Variants in IL31RA observed in about 807,000 individuals in gnomAD.
The protein encoded by IL31RA is interleukin-31 receptor subunit alpha.
Under a neutral mutation model 83.7 loss-of-function variants are expected in IL31RA, and 66 were observed. That is an observed-to-expected ratio of 0.79 (90% CI 0.65 to 0.97). The LOEUF (loss-of-function observed/expected upper bound fraction) is 0.97. IL31RA is among the 50% of genes least tolerant of loss of function. The pLI is 0.00. For missense variants in IL31RA, 798 were observed against 919.4 expected (o/e 0.87, Z 1.71); for synonymous variants, 325 against 329.0 (o/e 0.99, Z 0.13).
intron 2 of IL31RA, among the ~76,000 whole-genome samples, chr5:55,865,521 A>T (rs1289814555): frequency 6.6e-6 from 1 of 152,090 alleles, no homozygotes; most frequent in Non-Finnish European, 1.5e-5. Context: ...CACATTTACA[A>T]CCCTTTTAAA....
chr5:55,845,599 T>C, the IL31RA span, among the ~76,000 whole-genome samples: 7 of 152,170 alleles, frequency 4.6e-5, no homozygotes, highest in Admixed American at 3.9e-4. Context: ...ACATGGGATC[T>C]CACGGTTTTT....
intron 13 of IL31RA, among the ~76,000 whole-genome samples, chr5:55,914,015 T>C (rs1056479552): frequency 2.6e-5 from 4 of 152,328 alleles, no homozygotes; most frequent in African/African-American, 9.6e-5. Flanking sequence ...GGTGCAAGCT[T>C]ATTGCTTGCT....
At chr5:55,855,089 G>C (rs1745276687) in intron 1 of IL31RA, among the ~76,000 whole-genome samples, 1 of 152,054 alleles carries the variant, frequency 6.6e-6, no homozygotes, top group Non-Finnish European at 1.5e-5. Flanking sequence ...TGAGTCTGCA[G>C]GTGCTTGAAC....
chr5:55,853,431 C>T (rs924371491), intron 1 of IL31RA: 94 of 1,512,926 alleles, frequency 6.2e-5, no homozygotes, highest in Non-Finnish European at 8.1e-5. Flanking sequence ...TGGAAACACT[C>T]CCACATCTTA....
chr5:55,914,894 G>C lies in IL31RA; in HGVS notation c.1784G>C (p.Ser595Thr). The C allele has an allele frequency of 6.2e-7, 1 of 1,613,750 alleles. No individual in the cohort carries two copies. Among genetic ancestry groups the C allele is most frequent in the Non-Finnish European group, 8.5e-7 (1 of 1,179,600 alleles). ...CCCACCGTTCCCAACCCTGCTGAAAGTAGTATAGCCACATGGCATGGAGAT... is the reference window on the plus strand; with the variant it reads ...CCCACCGTTCCCAACCCTGCTGAAACTAGTATAGCCACATGGCATGGAGAT... ...CWPTVPNPAESSIATWHGDDF... is the reference protein window; with the variant it reads ...CWPTVPNPAETSIATWHGDDF... Residue 595 changes from serine to threonine, a missense_variant, in exon 14 of 15, where the codon AGT becomes ACT. Transcript: ENST00000652347.
At position 55,890,145 on chromosome 5, in the gene IL31RA, T is replaced by C. The variant is rs1226134454; in HGVS notation, c.772+10T>C. The stretch of plus-strand genomic sequence containing the variant: ...ATGACTGAGGAAGAAGGCAAGCTAC[T>C]CCCTGCGATTCCCGTCCTGTCTGCT... On this transcript the variant is annotated intron_variant, in intron 6 of 14. Transcript: ENST00000652347. 4 of 1,612,972 alleles carry C rather than the reference T, an allele frequency of 2.5e-6. No individual in the cohort carries two copies. Among genetic ancestry groups the C allele is most frequent in the Non-Finnish European group, 3.4e-6 (4 of 1,179,468 alleles).
intron 5 of IL31RA, among the ~76,000 whole-genome samples, chr5:55,886,268 C>CTTGCTCTTTTTT (rs1235138364): frequency 4.2e-5 from 3 of 71,510 alleles, no homozygotes; most frequent in African/African-American, 2.2e-4. Context: ...TGCTTGCTTG[C>CTTGCTCTTTTTT]TTTTTTTTTT....
chr5:55,879,450 T>TTTTTTTTTTTTA, intron 4 of IL31RA, among the ~76,000 whole-genome samples: 1 of 141,386 alleles, frequency 7.1e-6, no homozygotes, highest in Non-Finnish European at 1.5e-5. Flanking sequence ...TTTTTTTTTT[T>TTTTTTTTTTTTA]GAGATGGAGT....
At chr5:55,888,863 C>T (rs986453590) in intron 5 of IL31RA, among the ~76,000 whole-genome samples, 16 of 152,182 alleles carry the variant, frequency 1.1e-4, no homozygotes, top group African/African-American at 3.4e-4. Context: ...AGTCCATCTG[C>T]GGCTGTCAGC....
chr5:55,896,583 C>G (rs1440606032), intron 7 of IL31RA, among the ~76,000 whole-genome samples, 154 bp downstream of exon 7: 2 of 61,192 alleles, frequency 3.3e-5, no homozygotes, highest in Admixed American at 1.5e-4. Context: ...CCCTTCCCCC[C>G]ACCTTCCCCC....
intron 2 of IL31RA, among the ~76,000 whole-genome samples, chr5:55,867,036 A>G (rs1013220440): frequency 6.6e-6 from 1 of 152,194 alleles, no homozygotes; most frequent in African/African-American, 2.4e-5. Flanking sequence ...AGAGCTGAAC[A>G]TGGCCCTTAG....
At chr5:55,859,676 C>A in intron 2 of IL31RA, 77 bp downstream of exon 2, 1 of 1,005,830 alleles carries the variant, frequency 9.9e-7, no homozygotes, top group Non-Finnish European at 1.6e-6. Context: ...AACTTTAAAG[C>A]GACACCTGGA....
chr5:55,905,567 G>A (rs1749098631), intron 8 of IL31RA, among the ~76,000 whole-genome samples: 1 of 152,166 alleles, frequency 6.6e-6, no homozygotes. Flanking sequence ...TCCATACTAG[G>A]TAATTTGGAT....
intron 1 of IL31RA, among the ~76,000 whole-genome samples, chr5:55,854,346 G>C (rs948628209): frequency 6.6e-6 from 1 of 152,170 alleles, no homozygotes; most frequent in Non-Finnish European, 1.5e-5. Context: ...AAGTAAGGAT[G>C]TCATTATTTT....
chr5:55,910,482 T>G, intron 11 of IL31RA, 50 bp from the exon 12 acceptor site: 4 of 1,611,976 alleles, frequency 2.5e-6, no homozygotes, highest in Non-Finnish European at 3.4e-6. Flanking sequence ...TGGGACACAA[T>G]TTTCAGTCTG....
intron 4 of IL31RA, among the ~76,000 whole-genome samples, chr5:55,879,445 T>TTTTTTTTTTTTTTTTTTTTTTTTTTTA (rs1747065415): frequency 7.5e-6 from 1 of 133,230 alleles, no homozygotes; most frequent in East Asian, 2.2e-4. Flanking sequence ...TTTTTTTTTT[T>TTTTTTTTTTTTTTTTTTTTTTTTTTTA]TTTTTGAGAT....
At chr5:55,862,649 C>T (rs762093012) in intron 2 of IL31RA, among the ~76,000 whole-genome samples, 2 of 152,154 alleles carry the variant, frequency 1.3e-5, no homozygotes, top group African/African-American at 2.4e-5. Context: ...ACTCGTGATC[C>T]GCCCATCTTG....
chr5:55,916,731 G>A lies in IL31RA; in HGVS notation c.1906G>A (p.Val636Met). Residue 636 changes from valine to methionine, a missense_variant, in exon 15 of 15, where the codon GTG becomes ATG. By Grantham distance (21) the Val-to-Met change is conservative. Coordinates refer to ENST00000652347, the MANE Select transcript of IL31RA (RefSeq NM_139017.7). ...KPCSTPSDKL[V>M]IDKLVVNFGN... Reference sequence around the variant, plus strand: ...ATGTTCCACCCCCAGTGACAAGTTGGTGATTGACAAGTTGGTGGTGAACTT... The same window carrying A: ...ATGTTCCACCCCCAGTGACAAGTTGATGATTGACAAGTTGGTGGTGAACTT... 1 of 1,614,188 alleles carries A rather than the reference G, an allele frequency of 6.2e-7. No homozygotes were observed. Among genetic ancestry groups the A allele is most frequent in the Non-Finnish European group, 8.5e-7 (1 of 1,180,016 alleles).
intron 7 of IL31RA, among the ~76,000 whole-genome samples, chr5:55,898,048 C>T (rs560068602): frequency 1.7e-4 from 26 of 152,288 alleles, no homozygotes; most frequent in Non-Finnish European, 2.8e-4. Context: ...GTGCTGCCGC[C>T]GCATGGGACA....
Sources: gnomAD v4.1 joint callset for allele counts (sites outside exome capture counted in the v4.1 genomes callset) on GRCh38, gnomAD v4.1.1 for gene constraint, MANE v1.5 for transcripts, NCBI Gene and HGNC (gene_info 2026-07-23, HGNC 2026-07-21) for gene names.